Variants in ARHGEF3 observed in about 807,000 individuals in gnomAD.
ARHGEF3 encodes the protein 59.8 kDA protein.
Under a neutral mutation model 63.2 loss-of-function variants are expected in ARHGEF3, and 28 were observed. The observed-to-expected ratio is 0.44, with a 90% CI of 0.33 to 0.61. The LOEUF is 0.61. ARHGEF3 is among the 20% of genes least tolerant of loss of function. ARHGEF3 has a pLI of 0.03. For missense variants in ARHGEF3, 533 were observed against 659.3 expected, an observed-to-expected ratio of 0.81 and a Z score of 2.10; for synonymous variants, 266 against 254.2, an observed-to-expected ratio of 1.05 and a Z score of -0.44.
At chr3:56,862,836 C>G (rs1161094346) in intron 4 of ARHGEF3, among the ~76,000 whole-genome samples, 1 of 152,178 alleles carries the variant, frequency 6.6e-6, no homozygotes, top group Non-Finnish European at 1.5e-5. Context: ...CCTCCCCTAG[C>G]TTTTTCCACT....
intron 2 of ARHGEF3, among the ~76,000 whole-genome samples, chr3:57,002,462 C>CTATATATATATATATATATATATATA (rs1165862414): frequency 2.6e-5 from 1 of 38,686 alleles, no homozygotes; most frequent in Non-Finnish European, 4.5e-5. Flanking sequence ...GTTCTAAGCA[C>CTATATATATATATATATATATATATA]TATATATATA....
At chr3:56,902,591 G>C (rs2041548706) in intron 3 of ARHGEF3, among the ~76,000 whole-genome samples, 1 of 152,124 alleles carries the variant, frequency 6.6e-6, no homozygotes, top group Non-Finnish European at 1.5e-5. Context: ...AAAAATGTGG[G>C]GCCCTTTGTC....
intron 3 of ARHGEF3, among the ~76,000 whole-genome samples, chr3:56,900,138 C>G (rs2041456655): frequency 6.6e-6 from 1 of 152,124 alleles, no homozygotes; most frequent in African/African-American, 2.4e-5. Flanking sequence ...TCCCAACTCC[C>G]TTTGTTGTCA....
At chr3:56,881,888 G>A (rs1299236560) in intron 4 of ARHGEF3, among the ~76,000 whole-genome samples, 2 of 152,200 alleles carry the variant, frequency 1.3e-5, no homozygotes, top group East Asian at 3.9e-4. Context: ...CTATGCTTCT[G>A]GAGTCTTATT....
chr3:56,819,462 A>G (rs937156490), intron 4 of ARHGEF3, among the ~76,000 whole-genome samples: 2 of 151,880 alleles, frequency 1.3e-5, no homozygotes, highest in Non-Finnish European at 2.9e-5. Context: ...TTTGAGTTCT[A>G]ACAATTCTTA....
intron 4 of ARHGEF3, among the ~76,000 whole-genome samples, chr3:56,846,674 A>G (rs2108129046): frequency 6.6e-6 from 1 of 152,326 alleles, no homozygotes; most frequent in Admixed American, 6.5e-5. Flanking sequence ...ATTTTAGAAC[A>G]GGACTTGTAT....
At chr3:56,840,527 C>T (rs926849487) in intron 4 of ARHGEF3, among the ~76,000 whole-genome samples, 12 of 152,102 alleles carry the variant, frequency 7.9e-5, no homozygotes, top group African/African-American at 2.2e-4. Flanking sequence ...GTTTACAGAC[C>T]GTCTCTCACA....
At chr3:56,818,983 C>T (rs2038369433) in intron 4 of ARHGEF3, among the ~76,000 whole-genome samples, 1 of 152,196 alleles carries the variant, frequency 6.6e-6, no homozygotes, top group Non-Finnish European at 1.5e-5. Context: ...CAGTATGCTA[C>T]ATCCTCTGTC....
In ARHGEF3 at chr3:56,729,034, T is replaced by C. The variant is rs767485509; in HGVS notation, c.*236A>G. 1.3e-5 allele frequency: 6 copies of C among 447,428 alleles called. No individual in the cohort carries two copies. The highest frequency in any genetic ancestry group is 4.7e-5 in the South Asian group (1 of 21,502). 27.7% of individuals were successfully genotyped at this position (447,428 alleles called of 1,614,324 possible). A position where few individuals can be genotyped will look rare whatever the true frequency, so the allele number is the denominator to read the frequency against. ...AGTAACTTGTTTGAGTACCTCTCCA[T>C]CCATCCAGACACTTGGGAAATACAA... On this transcript the variant is annotated 3_prime_UTR_variant, in exon 10 of 10. Transcript: ENST00000296315.
At chr3:56,830,625 A>C (rs746961293) in intron 4 of ARHGEF3, among the ~76,000 whole-genome samples, 19 of 152,098 alleles carry the variant, frequency 1.2e-4, no homozygotes, top group Non-Finnish European at 2.6e-4. Flanking sequence ...ACAAATCCCA[A>C]TTCCTCACCA....
Position 56,728,643 on chromosome 3 carries a change from T to TA in ARHGEF3, c.*626dup, listed in dbSNP as rs1559875790. 6.6e-6 allele frequency: 1 copy of TA among 152,654 alleles called. No homozygotes were observed. The allele number at this position is 152,654 out of a possible 1,614,324, so 9.5% of individuals were successfully genotyped here. A position where few individuals can be genotyped will look rare whatever the true frequency, so the allele number is the denominator to read the frequency against. ...GGTCAGCCTCTATTTTATGTCCTAA[T>TA]ACATTCTTGCATCAAACTTGCACTG... On this transcript the variant is annotated 3_prime_UTR_variant, in exon 10 of 10. Transcript: ENST00000296315.
intron 3 of ARHGEF3, among the ~76,000 whole-genome samples, chr3:56,921,826 A>C (rs966872286): frequency 1.3e-5 from 2 of 152,382 alleles, no homozygotes; most frequent in East Asian, 1.9e-4. Context: ...CTCAAGGTCA[A>C]GAATGAATAA....
chr3:56,779,876 G>A (rs1162458218), intron 1 of ARHGEF3, among the ~76,000 whole-genome samples: 1 of 152,184 alleles, frequency 6.6e-6, no homozygotes, highest in African/African-American at 2.4e-5. Context: ...GAAAAATGGG[G>A]AAATAACCTC....
intron 3 of ARHGEF3, among the ~76,000 whole-genome samples, chr3:56,956,635 T>C (rs1028753901): frequency 2.0e-5 from 3 of 152,216 alleles, no homozygotes; most frequent in Non-Finnish European, 4.4e-5. Context: ...AATTTCATGA[T>C]GTGCAGGACT....
intron 2 of ARHGEF3, among the ~76,000 whole-genome samples, chr3:56,764,315 A>G (rs1030801391): frequency 5.6e-4 from 85 of 152,296 alleles, no homozygotes; most frequent in African/African-American, 1.9e-3. Context: ...TGGCTTTTGC[A>G]TGAGAATGTT....
chr3:56,794,844 G>A (rs548072545), intron 1 of ARHGEF3, among the ~76,000 whole-genome samples: 1 of 151,788 alleles, frequency 6.6e-6, no homozygotes, highest in East Asian at 1.9e-4. Flanking sequence ...ATTTTTTATT[G>A]TTTTATTCCC....
chr3:56,863,948 G>A (rs923938688), intron 4 of ARHGEF3, among the ~76,000 whole-genome samples: 3 of 152,120 alleles, frequency 2.0e-5, no homozygotes, highest in Non-Finnish European at 2.9e-5. Context: ...CGCATGCCAA[G>A]AAGGGAAACA....
At chr3:56,842,308 C>T (rs2039338942) in intron 4 of ARHGEF3, among the ~76,000 whole-genome samples, 1 of 152,114 alleles carries the variant, frequency 6.6e-6, no homozygotes, top group South Asian at 2.1e-4. Context: ...AAAAATTGTC[C>T]AGCTAGCAGA....
At chr3:56,872,181 TGTGGGGAAAGGG>T (rs2040451186) in intron 4 of ARHGEF3, among the ~76,000 whole-genome samples, 1 of 152,206 alleles carries the variant, frequency 6.6e-6, no homozygotes, top group African/African-American at 2.4e-5. Context: ...AAACAGTCTT[TGTGGGGAAAGGG>T]GTGTTCATAG....
Sources: allele counts gnomAD v4.1 joint callset (sites outside exome capture counted in the v4.1 genomes callset), GRCh38; gene constraint gnomAD v4.1.1; transcripts MANE v1.5; gene names NCBI Gene and HGNC (gene_info 2026-07-23, HGNC 2026-07-21).